The following TBL1XR1 variants were observed in gnomAD, a reference collection of about 807,000 sequenced individuals.
The protein encoded by TBL1XR1 is F-box-like/WD repeat-containing protein TBL1XR1.
Under a neutral mutation model 66.9 loss-of-function variants are expected in TBL1XR1, and 5 were observed. The ratio of observed to expected loss-of-function variants is 0.07; its 90% confidence interval spans 0.04 to 0.16. The LOEUF (loss-of-function observed/expected upper bound fraction) is 0.16, where lower values mean the gene tolerates loss of function less well. Among genes scored for constraint, TBL1XR1 ranks in the 10% least tolerant of loss-of-function variants. The pLI, the probability that TBL1XR1 is intolerant of heterozygous loss-of-function variation, is 1.00. For synonymous variants in TBL1XR1, 210 were observed against 206.0 expected, an observed-to-expected ratio of 1.02 and a Z score of -0.17; for missense variants, 238 against 623.2, an observed-to-expected ratio of 0.38 and a Z score of 6.58.
At chr3:177,074,112 G>A (rs1365745967) in intron 2 of TBL1XR1, among the ~76,000 whole-genome samples, 1 of 152,104 alleles carries the variant, frequency 6.6e-6, no homozygotes, top group African/African-American at 2.4e-5. Flanking sequence ...GGCTAGCTGG[G>A]CAAAAAATCT....
At chr3:177,038,008 TA>T in intron 12 of TBL1XR1, 89 bp downstream of exon 12, 1 of 1,137,174 alleles carries the variant, frequency 8.8e-7, no homozygotes, top group Non-Finnish European at 1.3e-6. Flanking sequence ...ACACTCCATG[TA>T]AGACAGACAT....
chr3:177,091,303 GTACT>G (rs1722815618), intron 2 of TBL1XR1: 1 of 151,702 alleles, frequency 6.6e-6, no homozygotes, highest in African/African-American at 2.4e-5. Flanking sequence ...ACATTTACAT[GTACT>G]TAAAGTACTT....
intron 1 of TBL1XR1, among the ~76,000 whole-genome samples, chr3:177,186,645 T>C (rs956471403): frequency 6.6e-6 from 1 of 152,178 alleles, no homozygotes; most frequent in Non-Finnish European, 1.5e-5. Context: ...CACTAAAATA[T>C]GTTATTACTA....
intron 1 of TBL1XR1, among the ~76,000 whole-genome samples, chr3:177,150,462 C>T (rs1291285657): frequency 6.6e-6 from 1 of 152,210 alleles, no homozygotes; most frequent in East Asian, 1.9e-4. Context: ...CAAAAGCTAT[C>T]AGGTCACTAA....
intron 10 of TBL1XR1, among the ~76,000 whole-genome samples, chr3:177,039,900 T>C (rs1168467176): frequency 2.6e-5 from 4 of 152,222 alleles, no homozygotes; most frequent in African/African-American, 9.6e-5. Flanking sequence ...ATGGCTGCTT[T>C]TTCACTACAA....
intron 12 of TBL1XR1, among the ~76,000 whole-genome samples, chr3:177,035,866 T>C (rs1465479292): frequency 3.9e-5 from 6 of 152,178 alleles, no homozygotes; most frequent in Non-Finnish European, 8.8e-5. Flanking sequence ...GTTGCGACCA[T>C]GGCCCTATCC....
At chr3:177,044,436 A>C (rs899786258) in intron 10 of TBL1XR1, among the ~76,000 whole-genome samples, 1 of 152,194 alleles carries the variant, frequency 6.6e-6, no homozygotes, top group African/African-American at 2.4e-5. Flanking sequence ...AAAATTATGC[A>C]GAATGAAGAC....
chr3:177,129,913 G>A (rs1241527899), intron 1 of TBL1XR1, among the ~76,000 whole-genome samples: 1 of 152,058 alleles, frequency 6.6e-6, no homozygotes, highest in East Asian at 1.9e-4. Flanking sequence ...GGGAGGCCGA[G>A]GCAGGCAGAT....
intron 1 of TBL1XR1, among the ~76,000 whole-genome samples, chr3:177,108,012 A>C (rs73881958): frequency 0.02 from 2,843 of 141,260 alleles, 91 homozygotes; most frequent in African/African-American, 0.068. Context: ...TCTTTCTAAT[A>C]AAACTTTATT....
At chr3:177,100,490 C>A (rs1724068461) in intron 1 of TBL1XR1, among the ~76,000 whole-genome samples, 1 of 151,868 alleles carries the variant, frequency 6.6e-6, no homozygotes, top group Non-Finnish European at 1.5e-5. Flanking sequence ...ATGGCACAAT[C>A]TCAGCTCACT....
intron 10 of TBL1XR1, among the ~76,000 whole-genome samples, chr3:177,038,675 G>A (rs1355575867): frequency 3.9e-5 from 6 of 152,172 alleles, no homozygotes; most frequent in African/African-American, 1.2e-4. Flanking sequence ...CACTGGCCTA[G>A]TAACTGGGAG....
chr3:177,074,244 T>C (rs183082204), intron 2 of TBL1XR1, among the ~76,000 whole-genome samples: 1 of 152,162 alleles, frequency 6.6e-6, no homozygotes, highest in Admixed American at 6.5e-5. Flanking sequence ...AGCTAGAGAA[T>C]AGAGAGGCAT....
At chr3:177,049,512 C>T (rs1188728677) in intron 7 of TBL1XR1, among the ~76,000 whole-genome samples, 1 of 152,126 alleles carries the variant, frequency 6.6e-6, no homozygotes, top group Non-Finnish European at 1.5e-5. Context: ...GTTGTCTAGA[C>T]TAATGATCCC....
rs565953232 is a variant in TBL1XR1 at position 177,033,997 on chromosome 3, T to TGC, written c.1250+199_1250+200dup. ...TACACACTGGGTACACTACACTGCT[T>TGC]GCAAAACCAGTGCACAGAAATCAGC... On this transcript the variant is annotated intron_variant, in intron 13 of 15. Transcript: ENST00000457928. Among the ~76,000 whole-genome samples the TGC allele has an allele frequency of 1.2e-3, 184 of 151,950 alleles. 1 individual carries two copies. The highest frequency in any genetic ancestry group is 4.2e-3 in the African/African-American group (176 of 41,448).
intron 2 of TBL1XR1, chr3:177,079,986 T>A (rs1182410005): frequency 6.6e-6 from 1 of 152,124 alleles, no homozygotes; most frequent in African/African-American, 2.4e-5. Flanking sequence ...CTGAAAGGGC[T>A]CCTCTAGCTT....
At chr3:177,158,151 A>C (rs1288129695) in intron 1 of TBL1XR1, among the ~76,000 whole-genome samples, 1 of 123,514 alleles carries the variant, frequency 8.1e-6, no homozygotes, top group Non-Finnish European at 1.7e-5. Flanking sequence ...ATTTCTAAAA[A>C]ATAAAAAGTA....
chr3:177,098,696 A>G (rs1278454945), intron 1 of TBL1XR1, among the ~76,000 whole-genome samples, 155 bp from the exon 2 acceptor site: 1 of 152,262 alleles, frequency 6.6e-6, no homozygotes, highest in East Asian at 1.9e-4. Context: ...AAACAACAGC[A>G]GCAACTTTTG....
intron 1 of TBL1XR1, among the ~76,000 whole-genome samples, chr3:177,155,906 G>A (rs1372336339): frequency 6.6e-6 from 1 of 152,026 alleles, no homozygotes; most frequent in Non-Finnish European, 1.5e-5. Flanking sequence ...CTACTCGGGA[G>A]GCTGAGGCAC....
chr3:177,109,046 T>C (rs921471799), intron 1 of TBL1XR1, among the ~76,000 whole-genome samples: 10 of 152,310 alleles, frequency 6.6e-5, no homozygotes, highest in Middle Eastern at 3.4e-3. Context: ...GAAAATGTTA[T>C]TGTCAAACAT....
Sources: gnomAD v4.1 joint callset for allele counts (sites outside exome capture counted in the v4.1 genomes callset) on GRCh38, gnomAD v4.1.1 for gene constraint, MANE v1.5 for transcripts, NCBI Gene and HGNC (gene_info 2026-07-23, HGNC 2026-07-21) for gene names.